Variants in MSRA observed in about 807,000 individuals in gnomAD.
The protein encoded by MSRA is methionine sulfoxide reductase A.
MSRA carries 54 observed loss-of-function variants against 31.3 expected under a neutral mutation model. The observed-to-expected ratio is 1.73, with a 90% CI of 1.39 to 2.17. MSRA has a LOEUF of 2.17. Ranked by LOEUF, MSRA falls within the 30% of genes most tolerant of loss-of-function variation. The pLI, the probability that MSRA is intolerant of heterozygous loss-of-function variation, is 0.00. For synonymous variants in MSRA, 169 were observed against 116.5 expected, an observed-to-expected ratio of 1.45 and a Z score of -2.90; for missense variants, 507 against 300.9, an observed-to-expected ratio of 1.69 and a Z score of -5.07.
chr8:10,165,238 A>G (rs1201402391), intron 1 of MSRA, among the ~76,000 whole-genome samples: 4 of 152,220 alleles, frequency 2.6e-5, no homozygotes, highest in African/African-American at 9.6e-5. Context: ...AGTTAATATC[A>G]TTACAATATA....
chr8:10,250,574 C>A (rs997359580), intron 3 of MSRA: 3 of 674,660 alleles, frequency 4.4e-6, no homozygotes, highest in Non-Finnish European at 8.1e-6. Flanking sequence ...GAGGCCCAGA[C>A]ATTTCCTTAT....
chr8:10,207,738 A>T, intron 1 of MSRA, 95 bp from the exon 2 acceptor site: 1 of 1,181,016 alleles, frequency 8.5e-7, no homozygotes, highest in Non-Finnish European at 1.2e-6. Context: ...TTTTAACTCA[A>T]AGGAGAAATA....
intron 1 of MSRA, among the ~76,000 whole-genome samples, chr8:10,080,005 C>T (rs1425146009): frequency 2.0e-5 from 3 of 152,184 alleles, no homozygotes; most frequent in Admixed American, 6.5e-5. Flanking sequence ...TTTCTCTCTT[C>T]CCGTCAAAAT....
chr8:10,332,550 A>G (rs1202205527), intron 5 of MSRA, among the ~76,000 whole-genome samples: 2 of 151,794 alleles, frequency 1.3e-5, no homozygotes, highest in Admixed American at 1.3e-4. Context: ...TATGAACTCT[A>G]AATAAGAACC....
At chr8:10,076,611 G>C (rs1170019792) in intron 1 of MSRA, among the ~76,000 whole-genome samples, 2 of 152,138 alleles carry the variant, frequency 1.3e-5, no homozygotes, top group Non-Finnish European at 2.9e-5. Flanking sequence ...CCCCAGTCTA[G>C]TTTATCGCAA....
intron 3 of MSRA, among the ~76,000 whole-genome samples, chr8:10,282,239 G>A (rs1012207788): frequency 1.3e-5 from 2 of 152,148 alleles, no homozygotes; most frequent in Non-Finnish European, 2.9e-5. Context: ...AGGTAGGATC[G>A]TCCATAATTT....
rs190783023 is a variant in MSRA at position 10,145,708 on chromosome 8, C to T, written c.143-62125C>T. Among the ~76,000 whole-genome samples, 8 of 152,250 alleles carry T rather than the reference C, an allele frequency of 5.3e-5. No individual in the cohort carries two copies. The East Asian group carries it at 9.6e-4, about 18-fold the overall frequency. ...GAAATGTGTAAGACATGGTGCCTCC[C>T]GAATGATGGTGGATTAATAATTATA... On this transcript the variant is annotated intron_variant, in intron 1 of 5. Transcript: ENST00000317173.
At chr8:10,157,812 C>G (rs1218177823) in intron 1 of MSRA, among the ~76,000 whole-genome samples, 1 of 152,016 alleles carries the variant, frequency 6.6e-6, no homozygotes, top group Admixed American at 6.6e-5. Context: ...CTCCCTGTCT[C>G]TCTCTTCCCT....
Position 10,387,880 on chromosome 8 carries a change from T to A in MSRA, c.544-40268T>A, listed in dbSNP as rs960839889. ...AGAAACAAGGTGGTTTAGAAAGTCT[T>A]TGGTTCTCAGGCAGCTTCTAGGGCC... On this transcript the variant is annotated intron_variant, in intron 5 of 5. Transcript: ENST00000317173. 3.9e-5 allele frequency among the ~76,000 whole-genome samples: 6 copies of A among 152,264 alleles called. No homozygotes were observed. In the East Asian group the frequency reaches 7.7e-4, roughly 20 times the overall value.
At chr8:10,351,022 C>G (rs779183570) in intron 5 of MSRA, among the ~76,000 whole-genome samples, 6 of 152,204 alleles carry the variant, frequency 3.9e-5, no homozygotes, top group Non-Finnish European at 7.3e-5. Flanking sequence ...CAGCTGCTCC[C>G]CCAGAATTGA....
chr8:10,072,284 C>T (rs1797773545), intron 1 of MSRA, among the ~76,000 whole-genome samples: 1 of 145,562 alleles, frequency 6.9e-6, no homozygotes, highest in Non-Finnish European at 1.5e-5. Context: ...AGGCTGTGCA[C>T]ACAAGACTCC....
intron 1 of MSRA, among the ~76,000 whole-genome samples, chr8:10,113,287 G>GTGTTTTTTTTTT (rs1412167930): frequency 1.6e-4 from 1 of 6,310 alleles, no homozygotes; most frequent in Admixed American, 2.0e-3. Flanking sequence ...GTGAAGACAG[G>GTGTTTTTTTTTT]TCTTCTTTTT....
chr8:10,302,895 G>A (rs1203904812), intron 4 of MSRA, among the ~76,000 whole-genome samples: 10 of 152,156 alleles, frequency 6.6e-5, no homozygotes, highest in Admixed American at 6.5e-4. Context: ...GAAGGTTCAC[G>A]TGTCACCCTA....
chr8:10,131,999 G>A (rs1450081620), intron 1 of MSRA, among the ~76,000 whole-genome samples: 3 of 152,184 alleles, frequency 2.0e-5, no homozygotes, highest in Non-Finnish European at 2.9e-5. Context: ...TTTAAATTGA[G>A]TTTTTGGTCT....
At chr8:10,376,800 T>G (rs190518422) in intron 5 of MSRA, among the ~76,000 whole-genome samples, 20 of 152,316 alleles carry the variant, frequency 1.3e-4, no homozygotes, top group African/African-American at 4.8e-4. Context: ...ATACAAAGTT[T>G]GGTTTCATAA....
chr8:10,073,276 G>A (rs1362198351), intron 1 of MSRA, among the ~76,000 whole-genome samples: 1 of 152,012 alleles, frequency 6.6e-6, no homozygotes, highest in Non-Finnish European at 1.5e-5. Context: ...TGTTTATTGA[G>A]TTACGGTAGT....
chr8:10,151,339 G>A (rs1371337609), intron 1 of MSRA, among the ~76,000 whole-genome samples: 1 of 151,594 alleles, frequency 6.6e-6, no homozygotes, highest in Non-Finnish European at 1.5e-5. Context: ...TAGAGAGGAA[G>A]GGACAGGAAA....
chr8:10,385,754 C>A (rs866675789), intron 5 of MSRA, among the ~76,000 whole-genome samples: 1 of 144,340 alleles, frequency 6.9e-6, no homozygotes, highest in Non-Finnish European at 1.5e-5. Flanking sequence ...GCCACATTTA[C>A]CTGGTTTCTG....
intron 1 of MSRA, among the ~76,000 whole-genome samples, chr8:10,194,680 C>T (rs1807823208): frequency 6.6e-6 from 1 of 152,168 alleles, no homozygotes. Flanking sequence ...AATTTTAAAG[C>T]TGGGTTGCAG....
Sources: gnomAD v4.1 joint callset for allele counts (sites outside exome capture counted in the v4.1 genomes callset) on GRCh38, gnomAD v4.1.1 for gene constraint, MANE v1.5 for transcripts, NCBI Gene and HGNC (gene_info 2026-07-23, HGNC 2026-07-21) for gene names.